CYRIB: variants seen among roughly 807,000 people sequenced by gnomAD.
CYRIB encodes CYFIP related Rac1 interactor B, also known as CYFIP-related Rac1 interactor B.
A neutral mutation model predicts 44.2 loss-of-function variants in CYRIB; 8 were observed. The ratio of observed to expected loss-of-function variants is 0.18; its 90% confidence interval spans 0.11 to 0.33. The LOEUF (loss-of-function observed/expected upper bound fraction) is 0.33, where lower values mean the gene tolerates loss of function less well. Ranked by LOEUF, CYRIB falls within the 10% of genes least tolerant of loss-of-function variation. CYRIB has a pLI of 1.00. For synonymous variants in CYRIB, 131 were observed against 127.2 expected, an observed-to-expected ratio of 1.03 and a Z score of -0.20; for missense variants, 185 against 382.8, an observed-to-expected ratio of 0.48 and a Z score of 4.31.
intron 2 of CYRIB, among the ~76,000 whole-genome samples, chr8:129,894,791 G>C (rs1377869705): frequency 6.6e-6 from 1 of 151,690 alleles, no homozygotes; most frequent in African/African-American, 2.4e-5. Context: ...TGCTCTTCCA[G>C]CTTTTCTAGT....
chr8:129,954,279 A>G (rs1431550435), intron 2 of CYRIB, among the ~76,000 whole-genome samples: 1 of 151,936 alleles, frequency 6.6e-6, no homozygotes, highest in Non-Finnish European at 1.5e-5. Context: ...CTGGAGTGCA[A>G]TGGTATCATC....
At chr8:129,949,706 C>G (rs1043189928) in intron 2 of CYRIB, among the ~76,000 whole-genome samples, 1 of 149,328 alleles carries the variant, frequency 6.7e-6, no homozygotes, top group Non-Finnish European at 1.5e-5. Flanking sequence ...CCTGTCTCTA[C>G]TAAAAAAAAA....
chr8:129,977,736 G>T (rs1364909550), intron 1 of CYRIB, among the ~76,000 whole-genome samples: 2 of 152,174 alleles, frequency 1.3e-5, no homozygotes, highest in East Asian at 1.9e-4. Flanking sequence ...GTTTCACCGT[G>T]TTAGCCAGGA....
At chr8:129,878,219 C>A (rs568616000) in intron 3 of CYRIB, among the ~76,000 whole-genome samples, 1 of 152,198 alleles carries the variant, frequency 6.6e-6, no homozygotes, top group South Asian at 2.1e-4. Flanking sequence ...ACACAGTACC[C>A]AAACTGTAAC....
At chr8:129,980,396 G>C (rs891034981) in intron 1 of CYRIB, among the ~76,000 whole-genome samples, 3 of 152,132 alleles carry the variant, frequency 2.0e-5, no homozygotes, top group African/African-American at 7.2e-5. Context: ...GAAGTTTTTT[G>C]ATGCTTTAGG....
chr8:130,006,302 C>G (rs1300688196), intron 1 of CYRIB, among the ~76,000 whole-genome samples: 2 of 150,510 alleles, frequency 1.3e-5, no homozygotes, highest in African/African-American at 2.4e-5. Flanking sequence ...CACTCTGTCT[C>G]AAAAGAAAAA....
At chr8:129,948,309 G>A (rs1211485938) in intron 2 of CYRIB, among the ~76,000 whole-genome samples, 1 of 152,174 alleles carries the variant, frequency 6.6e-6, no homozygotes, top group Admixed American at 6.6e-5. Context: ...CCCTCGAGGA[G>A]AGGTTTTTCC....
At chr8:129,900,434 C>T (rs2070964448) in intron 2 of CYRIB, among the ~76,000 whole-genome samples, 1 of 152,178 alleles carries the variant, frequency 6.6e-6, no homozygotes, top group Admixed American at 6.5e-5. Context: ...TCAGTGTCAG[C>T]TGCTGGGCAA....
intron 2 of CYRIB, among the ~76,000 whole-genome samples, chr8:129,894,835 T>G (rs2067123033): frequency 6.6e-6 from 1 of 152,014 alleles, no homozygotes; most frequent in Admixed American, 6.6e-5. Flanking sequence ...TTAAATTGTT[T>G]GAAATATCCA....
chr8:129,998,700 C>G (rs892517370), intron 1 of CYRIB, among the ~76,000 whole-genome samples: 2 of 151,494 alleles, frequency 1.3e-5, no homozygotes, highest in Admixed American at 1.3e-4. Flanking sequence ...GGCATGATCT[C>G]AGCTCACTGC....
chr8:129,992,139 A>G (rs2096655336), intron 1 of CYRIB, among the ~76,000 whole-genome samples: 1 of 151,776 alleles, frequency 6.6e-6, no homozygotes, highest in East Asian at 1.9e-4. Context: ...TGGGCAACAT[A>G]GCGAGACTCT....
rs113189610 is a variant in CYRIB at position 129,846,563 on chromosome 8, C to T, written c.911+241G>A. On this transcript the variant is annotated intron_variant, in intron 11 of 11. Coordinates refer to ENST00000519824, the Ensembl canonical transcript of CYRIB. ...TTGAAGAGAAGCAACAAGTAAAAGC[C>T]AAAATCTTCAACCAGAAAATGAAGC... Among the ~76,000 whole-genome samples the T allele has an allele frequency of 6.3e-3, 956 of 152,198 alleles. 11 individuals are homozygous for T. Among genetic ancestry groups the T allele is most frequent in the African/African-American group, 0.022 (915 of 41,546 alleles).
chr8:129,980,225 C>CT, intron 1 of CYRIB, among the ~76,000 whole-genome samples: 1 of 73,824 alleles, frequency 1.4e-5, no homozygotes, highest in Admixed American at 1.6e-4. Context: ...AAGACTCCAT[C>CT]TCAAAAAAAA....
chr8:129,903,261 A>G (rs1380980058), intron 2 of CYRIB, 51 bp downstream of exon 4: 1 of 152,624 alleles, frequency 6.6e-6, no homozygotes, highest in Non-Finnish European at 1.5e-5. Flanking sequence ...TATTGAAATC[A>G]TAACTTTTCA....
intron 1 of CYRIB, among the ~76,000 whole-genome samples, chr8:129,994,269 T>TG (rs397934244): frequency 0.082 from 12,397 of 150,826 alleles, 626 homozygotes; most frequent in South Asian, 0.25. Flanking sequence ...CTCCAGAAGC[T>TG]GGGGGGGGTG....
intron 1 of CYRIB, among the ~76,000 whole-genome samples, chr8:129,938,080 C>A (rs544674030): frequency 8.6e-5 from 13 of 151,866 alleles, no homozygotes; most frequent in African/African-American, 2.9e-4. Context: ...TACTTTAGGA[C>A]TAAGAGCCTC....
At chr8:130,001,528 T>C (rs896021987) in intron 1 of CYRIB, among the ~76,000 whole-genome samples, 11 of 146,124 alleles carry the variant, frequency 7.5e-5, no homozygotes, top group African/African-American at 2.8e-4. Flanking sequence ...ATAATTTCTT[T>C]TTTTTTTTTT....
upstream of CYRIB, among the ~76,000 whole-genome samples, chr8:129,941,385 T>C (rs1257193740): frequency 6.6e-6 from 1 of 150,410 alleles, no homozygotes; most frequent in East Asian, 2.0e-4. Context: ...GCGATTCTCC[T>C]GTCTCAGCCT....
intron 1 of CYRIB, among the ~76,000 whole-genome samples, chr8:130,014,214 G>A (rs1213623725): frequency 1.3e-5 from 2 of 152,178 alleles, no homozygotes; most frequent in Non-Finnish European, 2.9e-5. Flanking sequence ...CTAAGGCAGC[G>A]AGGATCCCTT....
Sources: allele counts gnomAD v4.1 joint callset (sites outside exome capture counted in the v4.1 genomes callset), GRCh38; gene constraint gnomAD v4.1.1; transcripts MANE v1.5; gene names NCBI Gene and HGNC (gene_info 2026-07-23, HGNC 2026-07-21).